The following ADAM11 variants were observed in gnomAD, a reference collection of about 807,000 sequenced individuals.
ADAM11 encodes ADAM metallopeptidase domain 11, also known as disintegrin and metalloproteinase domain-containing protein 11.
Under a neutral mutation model 119.1 loss-of-function variants are expected in ADAM11, and 49 were observed. That is an observed-to-expected ratio of 0.41 (90% CI 0.33 to 0.52). The LOEUF (loss-of-function observed/expected upper bound fraction) is 0.52. Among genes scored for constraint, ADAM11 ranks in the 20% least tolerant of loss-of-function variants. The pLI, the probability that ADAM11 is intolerant of heterozygous loss-of-function variation, is 0.20. For missense variants in ADAM11, 777 were observed against 1,047.5 expected, an observed-to-expected ratio of 0.74 and a Z score of 3.56; for synonymous variants, 364 against 408.0, an observed-to-expected ratio of 0.89 and a Z score of 1.30.
intron 2 of ADAM11, among the ~76,000 whole-genome samples, chr17:44,767,158 AGCCT>A (rs778035788): frequency 8.5e-5 from 13 of 152,048 alleles, no homozygotes; most frequent in Non-Finnish European, 1.8e-4. Flanking sequence ...GTTCAAGACA[AGCCT>A]GGCCAAGATG....
intron 2 of ADAM11, among the ~76,000 whole-genome samples, chr17:44,764,046 G>A (rs2049419339): frequency 6.6e-6 from 1 of 152,150 alleles, no homozygotes; most frequent in Non-Finnish European, 1.5e-5. Flanking sequence ...TTTGCACCAA[G>A]CTGCTGTATG....
At position 44,775,713 on chromosome 17, in the gene ADAM11, A is replaced by C; in HGVS notation, c.1485+37A>C. On this transcript the variant is annotated intron_variant, in intron 17 of 26. Transcript: ENST00000200557. The surrounding 1 kb of genome is among the most constrained non-coding windows in gnomAD (Gnocchi z 7.5). ...CGGCCGGGAGGCGGGGCCAGGACGC[A>C]GGAGGAGCGATTGGAGGCCTTCATA... is the stretch of plus-strand genomic sequence containing the variant. 6.5e-7 allele frequency: 1 copy of C among 1,539,856 alleles called. No homozygotes were observed. The highest frequency in any genetic ancestry group is 8.7e-7 in the Non-Finnish European group (1 of 1,145,040).
In ADAM11 at chr17:44,773,296, G is replaced by A; in HGVS notation, c.861G>A (p.Leu287=). Residue 287 remains leucine (L), a synonymous_variant, in exon 11 of 27, where the codon CTG becomes CTA. Transcript: ENST00000200557. The surrounding 1 kb of genome is among the most constrained non-coding windows in gnomAD (Gnocchi z 4.6). The part of the protein sequence containing the change: ...YKEQLNTRIV[L]VAMETWADGD... ...AGCAGCTCAACACTCGCATCGTCCT[G>A]GTTGCCATGGAAACATGGGCAGATG... 1 of 1,613,978 alleles carries A rather than the reference G, an allele frequency of 6.2e-7. No individual in the cohort carries two copies. The highest frequency in any genetic ancestry group is 8.5e-7 in the Non-Finnish European group (1 of 1,180,006).
intron 26 of ADAM11, chr17:44,779,535 A>C: frequency 4.1e-6 from 4 of 985,210 alleles, no homozygotes; most frequent in Non-Finnish European, 4.8e-6. Context: ...GGCAGTCCCC[A>C]TCCCCGGGAG....
In ADAM11 at chr17:44,772,957, G is replaced by C. The variant is rs759272041; in HGVS notation, c.753+26G>C. 1.1e-5 allele frequency: 17 copies of C among 1,613,956 alleles called. No individual in the cohort carries two copies. The highest frequency in any genetic ancestry group is 1.4e-5 in the Non-Finnish European group (17 of 1,179,964). On this transcript the variant is annotated intron_variant, in intron 9 of 26. Transcript: ENST00000200557. The surrounding 1 kb of genome is among the most constrained non-coding windows in gnomAD (Gnocchi z 4.5). The stretch of plus-strand genomic sequence containing the variant: ...GTGAGTGCCAGGGCAGGGACAGGGC[G>C]TGACACTGGGAGGCCCCTGAGGAGC...
Position 44,777,971 on chromosome 17 carries a change from AG to A in ADAM11, c.2091del (p.Lys697AsnfsTer215). On this transcript the variant is annotated frameshift_variant, in exon 24 of 27. Coordinates refer to ENST00000200557, the MANE Select transcript of ADAM11 (RefSeq NM_002390.6). LOFTEE classifies it high-confidence loss of function. The surrounding 1 kb of genome is among the most constrained non-coding windows in gnomAD (Gnocchi z 5.1). ...SHHGVCSNEG[K>X]CICQPDWTGK... Reference sequence around the variant, plus strand: ...CTCTAGGTCTGCAGCAATGAAGGGAAGTGCATCTGTCAGCCAGACTGGACAG... The same window carrying A: ...CTCTAGGTCTGCAGCAATGAAGGGAATGCATCTGTCAGCCAGACTGGACAG... 1 of 1,614,052 alleles carries A rather than the reference AG, an allele frequency of 6.2e-7. No homozygotes were observed. Among genetic ancestry groups the A allele is most frequent in the Non-Finnish European group, 8.5e-7 (1 of 1,180,014 alleles).
chr17:44,759,512 G>C, intron 1 of ADAM11: 1 of 1,242,708 alleles, frequency 8.0e-7, no homozygotes, highest in African/African-American at 1.5e-5. Flanking sequence ...GGGCGGATGG[G>C]GGGGCAGTCG....
Position 44,772,919 on chromosome 17 carries a change from C to T in ADAM11, c.741C>T (p.Asn247=), listed in dbSNP as rs117739262. The T allele has an allele frequency of 9.0e-5, 145 of 1,614,156 alleles. No individual in the cohort carries two copies. In the East Asian group the frequency reaches 1.7e-3, roughly 19 times the overall value. ...AGTATGTGGAGCTAATTGTGATCAA[C>T]GACCACCAGCTGGTGAGTGCCAGGG... ...ETKYVELIVI[N]DHQLFEQMRQ... Residue 247 remains asparagine (N), a synonymous_variant, in exon 9 of 27, where the codon AAC becomes AAT. Transcript: ENST00000200557. This position sits in a 1 kb window ranked among gnomAD's most constrained non-coding sequence, Gnocchi z 4.5.
At position 44,780,596 on chromosome 17, in the gene ADAM11, G is replaced by A. The variant is rs1567697756; in HGVS notation, c.*842G>A. On this transcript the variant is annotated 3_prime_UTR_variant, in exon 27 of 27. Transcript: ENST00000200557. ...AAAATATAGTTCCTATAATAAAATG[G>A]CACCTTCCCCCTTTCAAGAAGGGTG... 5.8e-6 allele frequency: 1 copy of A among 171,780 alleles called. No homozygotes were observed. Among genetic ancestry groups the A allele is most frequent in the Non-Finnish European group, 1.2e-5 (1 of 81,398 alleles). 10.6% of individuals were successfully genotyped at this position (171,780 alleles called of 1,614,324 possible).
Position 44,777,585 on chromosome 17 carries a change from A to G in ADAM11, c.1885A>G (p.Lys629Glu). The G allele has an allele frequency of 6.2e-7, 1 of 1,614,192 alleles. No homozygotes were observed. The highest frequency in any genetic ancestry group is 1.1e-5 in the South Asian group (1 of 91,084). ...ISSVTFYHQG[K>E]ELDCRGGHVQ... ...TAGTGTCACCTTCTACCACCAGGGC[A>G]AGGAGCTGGACTGCAGGTGCTGGCC... The change falls in exon 22 of 27, where the codon AAG (lysine) becomes GAG (glutamate). Residue 629 changes from lysine to glutamate, a missense_variant. Physicochemically the swap from Lys to Glu is moderately conservative, Grantham distance 56 (BLOSUM62 1). Transcript: ENST00000200557. The surrounding 1 kb of genome is among the most constrained non-coding windows in gnomAD (Gnocchi z 5.1).
At position 44,773,294 on chromosome 17, in the gene ADAM11, C is replaced by T. The variant is rs1430842573; in HGVS notation, c.859C>T (p.Leu287=). 7 of 1,614,090 alleles carry T rather than the reference C, an allele frequency of 4.3e-6. No homozygotes were observed. Among genetic ancestry groups the T allele is most frequent in the Non-Finnish European group, 5.9e-6 (7 of 1,180,014 alleles). Residue 287 remains leucine (L), a synonymous_variant, in exon 11 of 27, where the codon CTG becomes TTG. Transcript: ENST00000200557. This position sits in a 1 kb window ranked among gnomAD's most constrained non-coding sequence, Gnocchi z 4.6. ...YKEQLNTRIV[L]VAMETWADGD... Reference sequence around the variant, plus strand: ...GGAGCAGCTCAACACTCGCATCGTCCTGGTTGCCATGGAAACATGGGCAGA... The same window carrying T: ...GGAGCAGCTCAACACTCGCATCGTCTTGGTTGCCATGGAAACATGGGCAGA...
Position 44,775,219 on chromosome 17 carries a change from C to G in ADAM11, c.1228C>G (p.Leu410Val). 2 of 1,613,586 alleles carry G rather than the reference C, an allele frequency of 1.2e-6. No homozygotes were observed. Among genetic ancestry groups the G allele is most frequent in the Non-Finnish European group, 1.7e-6 (2 of 1,179,788 alleles). ...TCCCCTCGCCCTATCCAGGTTCTAC[C>G]TGCCCCGCAAGTTCTCGCGCTGTAG... ...GCIMEDTGFY[L>V]PRKFSRCSID... is the part of the protein sequence containing the mutation. Residue 410 changes from leucine to valine, a missense_variant, in exon 15 of 27, where the codon CTG becomes GTG. By Grantham distance (32) the Leu-to-Val change is conservative. Coordinates refer to ENST00000200557, the MANE Select transcript of ADAM11 (RefSeq NM_002390.6). This position sits in a 1 kb window ranked among gnomAD's most constrained non-coding sequence, Gnocchi z 7.5.
At chr17:44,766,814 C>G (rs960518637) in intron 2 of ADAM11, among the ~76,000 whole-genome samples, 1 of 152,094 alleles carries the variant, frequency 6.6e-6, no homozygotes, top group African/African-American at 2.4e-5. Context: ...GACCAAAGGC[C>G]CCTCCCACCA....
rs371438526 is a variant in ADAM11, at chr17:44,777,936, C to A, written c.2071-16C>A. The stretch of plus-strand genomic sequence containing the variant: ...CAGGCCCCTGCTCACCTCTCCTGGC[C>A]CTGCCCTGCCTCTAGGTCTGCAGCA... On this transcript the variant is annotated splice_polypyrimidine_tract_variant and intron_variant, in intron 23 of 26. Transcript: ENST00000200557. This position sits in a 1 kb window ranked among gnomAD's most constrained non-coding sequence, Gnocchi z 5.1. The A allele has an allele frequency of 2.9e-5, 46 of 1,613,794 alleles. No individual in the cohort carries two copies. The highest frequency in any genetic ancestry group is 1.6e-4 in the Middle Eastern group (1 of 6,084).
In ADAM11 at chr17:44,759,810, C is replaced by T; in HGVS notation, c.150C>T (p.Pro50=). The T allele has an allele frequency of 7.6e-7, 1 of 1,319,418 alleles. No individual in the cohort carries two copies. Among genetic ancestry groups the T allele is most frequent in the Non-Finnish European group, 9.7e-7 (1 of 1,026,368 alleles). The allele number at this position is 1,319,418 out of a possible 1,614,324, so 81.7% of individuals were successfully genotyped here. ...CAGGAGCCCCTGAGGTCACGGAACC[C>T]AGCCGTCTGGTTAGGGAGAGCTCCG... ...GGPGAPEVTE[P]SRLVRESSGG... The change falls in exon 2 of 27, where the codon CCC becomes CCT. Residue 50 remains proline (P), a synonymous_variant. Coordinates refer to ENST00000200557, the MANE Select transcript of ADAM11 (RefSeq NM_002390.6).
In ADAM11 at chr17:44,775,745, G is replaced by A; in HGVS notation, c.1485+69G>A. 5 of 1,464,754 alleles carry A rather than the reference G, an allele frequency of 3.4e-6. No homozygotes were observed. Among genetic ancestry groups the A allele is most frequent in the Non-Finnish European group, 4.6e-6 (5 of 1,088,274 alleles). The allele number at this position is 1,464,754 out of a possible 1,614,324, so 90.7% of individuals were successfully genotyped here. ...GCGATTGGAGGCCTTCATATAAGGG[G>A]TGGGAGCTAGGGAGGGAAGCGGAGC... On this transcript the variant is annotated intron_variant, in intron 17 of 26. Transcript: ENST00000200557. The surrounding 1 kb of genome is among the most constrained non-coding windows in gnomAD (Gnocchi z 7.5).
In ADAM11 at chr17:44,772,479, GC is replaced by G; in HGVS notation, c.678+14del. 6.4e-7 allele frequency: 1 copy of G among 1,560,814 alleles called. No homozygotes were observed. Among genetic ancestry groups the G allele is most frequent in the East Asian group, 2.4e-5 (1 of 41,972 alleles). ...AAGGAAAAGGCAGGTACGGGGGCCC[GC>G]ACAGACCTCGGGCTGCAGAGACCTC... On this transcript the variant is annotated intron_variant, in intron 8 of 26. Transcript: ENST00000200557. This position sits in a 1 kb window ranked among gnomAD's most constrained non-coding sequence, Gnocchi z 4.5.
Position 44,775,980 on chromosome 17 carries a change from G to A in ADAM11, c.1486-147G>A. On this transcript the variant is annotated intron_variant, in intron 17 of 26. Coordinates refer to ENST00000200557, the MANE Select transcript of ADAM11 (RefSeq NM_002390.6). The surrounding 1 kb of genome is among the most constrained non-coding windows in gnomAD (Gnocchi z 7.5). ...GGTGGGGAGCGTTCAAGAGGTGGTG[G>A]GAGCAGGGAAATAAGAACAGGCCTG... The A allele has an allele frequency of 1.1e-6, 1 of 950,782 alleles. No individual in the cohort carries two copies. The highest frequency in any genetic ancestry group is 1.6e-5 in the South Asian group (1 of 64,456). The allele number at this position is 950,782 out of a possible 1,614,324, so 58.9% of individuals were successfully genotyped here.
chr17:44,771,688 C>T lies in ADAM11; in HGVS notation c.467+19C>T, dbSNP rs202093736. 1.1e-4 allele frequency: 185 copies of T among 1,612,334 alleles called. 4 individuals are homozygous for T. The East Asian group carries it at 2.9e-3, about 25-fold the overall frequency. On this transcript the variant is annotated intron_variant, in intron 5 of 26. Coordinates refer to ENST00000200557, the MANE Select transcript of ADAM11 (RefSeq NM_002390.6). ...GGCTGCAGTGAGTATGGGGAGGGGC[C>T]GGGCAGCTGGGAGAAGCCTCTGGCC...
Sources: gnomAD v4.1 joint callset for allele counts (sites outside exome capture counted in the v4.1 genomes callset) on GRCh38, gnomAD v4.1.1 for gene constraint, Gnocchi (gnomAD v3.1) non-coding constraint, MANE v1.5 for transcripts, NCBI Gene and HGNC (gene_info 2026-07-23, HGNC 2026-07-21) for gene names.